Variants in FMOD observed in about 807,000 individuals in gnomAD.
The protein encoded by FMOD is fibromodulin.
Under a neutral mutation model 27.0 loss-of-function variants are expected in FMOD, and 15 were observed. The observed-to-expected ratio is 0.55, with a 90% CI of 0.37 to 0.85. The LOEUF is 0.85. FMOD is among the 40% of genes least tolerant of loss of function. The probability of loss-of-function intolerance (pLI) is 0.00; values close to 1 mark genes in which losing one functional copy is unlikely to be tolerated. For missense variants in FMOD, 460 were observed against 483.2 expected, an observed-to-expected ratio of 0.95 and a Z score of 0.45; for synonymous variants, 210 against 214.0, an observed-to-expected ratio of 0.98 and a Z score of 0.16.
At chr1:203,346,934 C>G (rs925136314) in intron 2 of FMOD, among the ~76,000 whole-genome samples, 1 of 152,162 alleles carries the variant, frequency 6.6e-6, no homozygotes, top group East Asian at 1.9e-4. Context: ...TCCCCTACAT[C>G]GACAGGTGAC....
At chr1:203,344,133 G>A (rs1034993485) in intron 2 of FMOD, among the ~76,000 whole-genome samples, 1 of 152,130 alleles carries the variant, frequency 6.6e-6, no homozygotes, top group Admixed American at 6.5e-5. Context: ...AGCCTAGACC[G>A]GGGCTGGGTC....
intron 2 of FMOD, among the ~76,000 whole-genome samples, chr1:203,343,527 C>A (rs1366449477): frequency 6.6e-6 from 1 of 152,180 alleles, no homozygotes; most frequent in Non-Finnish European, 1.5e-5. Flanking sequence ...TCATTCTCTG[C>A]AAAGGGGGTT....
At chr1:203,344,173 G>C (rs1255941184) in intron 2 of FMOD, among the ~76,000 whole-genome samples, 5 of 152,154 alleles carry the variant, frequency 3.3e-5, no homozygotes, top group Non-Finnish European at 7.4e-5. Flanking sequence ...CAGAGCAGTG[G>C]GGTGAGGAGA....
In FMOD at chr1:203,347,328, GGTTGGT is replaced by G; in HGVS notation, c.937_942del (p.Thr313_Asn314del). The G allele has an allele frequency of 6.2e-7, 1 of 1,613,886 alleles. No individual in the cohort carries two copies. Among genetic ancestry groups the G allele is most frequent in the Non-Finnish European group, 8.5e-7 (1 of 1,179,862 alleles). On this transcript the variant is annotated inframe_deletion, in exon 2 of 3. Transcript: ENST00000354955. ...TTGCCTTGGAGGTAGAGGTTCTCCA[GGTTGGT>G]GTTGACTGGGGGGATCTTCTGCAGC...
At chr1:203,343,115 A>C (rs1201247195) in intron 2 of FMOD, among the ~76,000 whole-genome samples, 1 of 152,236 alleles carries the variant, frequency 6.6e-6, no homozygotes, top group Non-Finnish European at 1.5e-5. Flanking sequence ...CTGGGGACTC[A>C]TAGAGCACTG....
At chr1:203,342,857 A>G (rs2102301101) in intron 2 of FMOD, among the ~76,000 whole-genome samples, 1 of 152,164 alleles carries the variant, frequency 6.6e-6, no homozygotes, top group South Asian at 2.1e-4. Context: ...GCCAAAGACC[A>G]ACCGTAGACA....
chr1:203,350,841 G>A (rs1176994286), intron 1 of FMOD, among the ~76,000 whole-genome samples, 192 bp downstream of exon 1: 1 of 152,156 alleles, frequency 6.6e-6, no homozygotes, highest in African/African-American at 2.4e-5. Context: ...TAAGAGAAAG[G>A]TACAGGGCTG....
intron 2 of FMOD, among the ~76,000 whole-genome samples, chr1:203,345,148 G>T (rs1386609677): frequency 6.6e-6 from 1 of 152,186 alleles, no homozygotes; most frequent in Non-Finnish European, 1.5e-5. Flanking sequence ...GTGATACCTA[G>T]TCACGGGGCT....
At chr1:203,346,644 C>T (rs777421315) in intron 2 of FMOD, among the ~76,000 whole-genome samples, 3 of 151,952 alleles carry the variant, frequency 2.0e-5, no homozygotes, top group Non-Finnish European at 2.9e-5. Flanking sequence ...GAAGAACTGA[C>T]CAGAACAAGT....
In FMOD at chr1:203,347,768, G is replaced by T. The variant is rs1469144257; in HGVS notation, c.503C>A (p.Thr168Asn). The T allele has an allele frequency of 6.2e-7, 1 of 1,613,880 alleles. No homozygotes were observed. Among genetic ancestry groups the T allele is most frequent in the Non-Finnish European group, 8.5e-7 (1 of 1,180,032 alleles). The stretch of plus-strand genomic sequence containing the variant: ...TCGAGGCAGGGGACCGGGCATCCGG[G>T]TCAGGTTGTTGTGGTCCAGGTACAG... ...ERLYLDHNNL[T>N]RMPGPLPRSL... The change falls in exon 2 of 3, where the codon ACC becomes AAC. Residue 168 changes from threonine to asparagine, a missense_variant. Transcript: ENST00000354955.
chr1:203,346,380 A>T (rs142874129), intron 2 of FMOD, among the ~76,000 whole-genome samples: 1 of 152,088 alleles, frequency 6.6e-6, no homozygotes, highest in African/African-American at 2.4e-5. Flanking sequence ...AAGACATCAG[A>T]AGCCCTGGGG....
rs756564558 is a variant in FMOD, at chr1:203,342,456, C to T, written c.1018G>A (p.Val340Met). 5.0e-6 allele frequency: 8 copies of T among 1,614,098 alleles called. No individual in the cohort carries two copies. Among genetic ancestry groups the T allele is most frequent in the East Asian group, 2.2e-5 (1 of 44,880 alleles). ...AGCACCTGCAGCTTGGAGAAGTTCA[C>T]GACGTCCACCACGGTGCAGAAGCTG... The part of the protein sequence containing the change: ...ISSFCTVVDV[V>M]NFSKLQVLRL... Residue 340 changes from valine to methionine, a missense_variant, in exon 3 of 3, where the codon GTG becomes ATG. By Grantham distance (21) the Val-to-Met change is conservative (BLOSUM62 1). Coordinates refer to ENST00000354955, the MANE Select transcript of FMOD (RefSeq NM_002023.5).
intron 2 of FMOD, among the ~76,000 whole-genome samples, chr1:203,345,793 G>C (rs1658877235): frequency 6.6e-6 from 1 of 151,968 alleles, no homozygotes; most frequent in Non-Finnish European, 1.5e-5. Flanking sequence ...AGCTACTCAA[G>C]AGGCTGAGGC....
Position 203,348,156 on chromosome 1 carries a change from A to G in FMOD, c.115T>C (p.Tyr39His). Residue 39 changes from tyrosine to histidine, a missense_variant, in exon 2 of 3, where the codon TAC (tyrosine) becomes CAC (histidine). Tyr to His is a moderately conservative substitution (Grantham distance 83, BLOSUM62 2). Transcript: ENST00000354955. ...HYLRSQQSTY[Y>H]DPYDPYPYET... ...TACGGGTAAGGGTCATAGGGATCGT[A>G]GTAGGTGGACTGCTGGCTGCGGAGG... is the stretch of plus-strand genomic sequence containing the variant. 1 of 1,614,130 alleles carries G rather than the reference A, an allele frequency of 6.2e-7. No homozygotes were observed. The highest frequency in any genetic ancestry group is 1.3e-5 in the African/African-American group (1 of 75,022).
chr1:203,346,813 C>T (rs191877049), intron 2 of FMOD, among the ~76,000 whole-genome samples: 3 of 152,326 alleles, frequency 2.0e-5, no homozygotes, highest in Non-Finnish European at 4.4e-5. Context: ...AGAAGCTAAA[C>T]TTAAATCTCC....
rs763746687 is a variant in FMOD, at chr1:203,347,452, C to T, written c.819G>A (p.Val273=). 1.2e-6 allele frequency: 2 copies of T among 1,614,046 alleles called. No individual in the cohort carries two copies. Among genetic ancestry groups the T allele is most frequent in the Non-Finnish European group, 1.7e-6 (2 of 1,180,034 alleles). The stretch of plus-strand genomic sequence containing the variant: ...TGGTTAGACTGTTGTGGGACAGCCG[C>T]ACATACAGCAGCTTGGGCGCCCCCC... ...YFRGAPKLLY[V]RLSHNSLTNN... Residue 273 remains valine, a synonymous_variant, in exon 2 of 3, where the codon GTG becomes GTA. Coordinates refer to ENST00000354955, the MANE Select transcript of FMOD (RefSeq NM_002023.5).
At position 203,348,215 on chromosome 1, in the gene FMOD, T is replaced by C; in HGVS notation, c.56A>G (p.Gln19Arg). The C allele has an allele frequency of 6.2e-7, 1 of 1,614,170 alleles. No homozygotes were observed. The highest frequency in any genetic ancestry group is 8.5e-7 in the Non-Finnish European group (1 of 1,180,016). Reference sequence around the variant, plus strand: ...CCACCAATGAGGGTCATCTTCATACTGGGCCTGGGAGAGGGAGAAGAGCCC... The same window carrying C: ...CCACCAATGAGGGTCATCTTCATACCGGGCCTGGGAGAGGGAGAAGAGCCC... ...LAGLFSLSQAQYEDDPHWWFH... is the reference protein window; with the variant it reads ...LAGLFSLSQARYEDDPHWWFH... Residue 19 changes from glutamine (Q) to arginine (R), a missense_variant, in exon 2 of 3, where the codon CAG becomes CGG. Transcript: ENST00000354955.
chr1:203,342,015 G>T lies in FMOD; in HGVS notation c.*328C>A. 2 of 297,784 alleles carry T rather than the reference G, an allele frequency of 6.7e-6. No individual in the cohort carries two copies. The highest frequency in any genetic ancestry group is 1.3e-5 in the Non-Finnish European group (2 of 157,402). The allele number at this position is 297,784 out of a possible 1,614,324, so 18.4% of individuals were successfully genotyped here. On this transcript the variant is annotated 3_prime_UTR_variant, in exon 3 of 3. Transcript: ENST00000354955. ...TAGAAAAGTATGGTTATATACTATT[G>T]CCCATGCCACTTTTGAAGTTCCATG...
At chr1:203,344,282 C>A (rs1658847968) in intron 2 of FMOD, among the ~76,000 whole-genome samples, 2 of 152,190 alleles carry the variant, frequency 1.3e-5, no homozygotes. Context: ...AGCCCTCAGA[C>A]TGCCTGCTAA....
Sources: gnomAD v4.1 joint callset for allele counts (sites outside exome capture counted in the v4.1 genomes callset) on GRCh38, gnomAD v4.1.1 for gene constraint, MANE v1.5 for transcripts, NCBI Gene and HGNC (gene_info 2026-07-23, HGNC 2026-07-21) for gene names.